Variants in RNLS observed in about 807,000 individuals in gnomAD.
RNLS encodes the protein renalase, FAD dependent amine oxidase.
In RNLS, 39 loss-of-function variants were observed where a neutral mutation model predicts 39.8. The observed-to-expected ratio is 0.98, with a 90% confidence interval of 0.76 to 1.28. RNLS has a LOEUF of 1.28. Ranked by LOEUF, RNLS falls within the 50% of genes most tolerant of loss-of-function variation. The pLI is 0.00. For synonymous variants in RNLS, 147 were observed against 150.7 expected (o/e 0.98, Z 0.18); for missense variants, 410 against 413.3 (o/e 0.99, Z 0.07).
At chr10:88,217,911 G>T in the RNLS span, among the ~76,000 whole-genome samples, 1 of 151,974 alleles carries the variant, frequency 6.6e-6, no homozygotes, top group Middle Eastern at 3.2e-3. Context: ...ATGGTGGCAG[G>T]CACCTGTAAT....
At chr10:88,338,072 C>T (rs187525145) in intron 5 of RNLS, among the ~76,000 whole-genome samples, 2 of 152,260 alleles carry the variant, frequency 1.3e-5, no homozygotes, top group East Asian at 3.9e-4. Flanking sequence ...TGCAGAAGTC[C>T]ATCTTATTCT....
At chr10:88,276,967 G>C (rs370341400) in intron 6 of RNLS, among the ~76,000 whole-genome samples, 1 of 152,082 alleles carries the variant, frequency 6.6e-6, no homozygotes, top group Non-Finnish European at 1.5e-5. Context: ...ATAAATTCTG[G>C]ATCCTAACGA....
At chr10:88,228,060 A>T in the RNLS span, among the ~76,000 whole-genome samples, 1 of 152,134 alleles carries the variant, frequency 6.6e-6, no homozygotes, top group Non-Finnish European at 1.5e-5. Flanking sequence ...GTGTTGCCAT[A>T]CTTTCTGATT....
chr10:88,368,092 T>C (rs1850264555), intron 4 of RNLS, among the ~76,000 whole-genome samples: 1 of 151,914 alleles, frequency 6.6e-6, no homozygotes, highest in South Asian at 2.1e-4. Flanking sequence ...CATAAAGATA[T>C]TTTCTTATGG....
In RNLS at chr10:88,459,183, G is replaced by GAGTGAATGTTTTCAAAAAGCTTTTGGT. The variant is rs372200050; in HGVS notation, c.527-96485_527-96459dup. On this transcript the variant is annotated intron_variant, in intron 4 of 6. Transcript: ENST00000331772. Reference sequence around the variant, plus strand: ...AGGTGGGTAGGACAAGAAGAAGTGGGAGTGAATGTTTTCAAAAAGCTTTTG... The same window carrying GAGTGAATGTTTTCAAAAAGCTTTTGGT: ...AGGTGGGTAGGACAAGAAGAAGTGGGAGTGAATGTTTTCAAAAAGCTTTTGGTAGTGAATGTTTTCAAAAAGCTTTTG... 3.0e-3 allele frequency among the ~76,000 whole-genome samples: 461 copies of GAGTGAATGTTTTCAAAAAGCTTTTGGT among 151,718 alleles called. 3 individuals are homozygous for GAGTGAATGTTTTCAAAAAGCTTTTGGT. Among genetic ancestry groups the GAGTGAATGTTTTCAAAAAGCTTTTGGT allele is most frequent in the African/African-American group, 0.011 (440 of 41,348 alleles).
At chr10:88,554,811 T>C (rs1195211673) in intron 4 of RNLS, among the ~76,000 whole-genome samples, 1 of 152,320 alleles carries the variant, frequency 6.6e-6, no homozygotes, top group South Asian at 2.1e-4. Context: ...TTCCCCTTTC[T>C]ACTAGATTGT....
At chr10:88,566,457 G>A (rs1456984735) in intron 4 of RNLS, among the ~76,000 whole-genome samples, 1 of 152,044 alleles carries the variant, frequency 6.6e-6, no homozygotes, top group Non-Finnish European at 1.5e-5. Context: ...GCAGAGAAAA[G>A]GAGAAAGACA....
At chr10:88,448,022 G>A (rs1842141533) in intron 4 of RNLS, among the ~76,000 whole-genome samples, 2 of 152,172 alleles carry the variant, frequency 1.3e-5, no homozygotes, top group African/African-American at 4.8e-5. Flanking sequence ...ATGGATTAAA[G>A]ACTTAAATGT....
chr10:88,447,412 G>A (rs1842100847), intron 4 of RNLS, among the ~76,000 whole-genome samples: 1 of 152,094 alleles, frequency 6.6e-6, no homozygotes, highest in Non-Finnish European at 1.5e-5. Context: ...ATTCACAATT[G>A]CTTCAAAGAG....
chr10:88,550,727 T>C (rs1445274020), intron 4 of RNLS, among the ~76,000 whole-genome samples: 1 of 152,242 alleles, frequency 6.6e-6, no homozygotes, highest in African/African-American at 2.4e-5. Flanking sequence ...CATTTTCTGA[T>C]ATCTACATCC....
At chr10:88,324,185 G>C (rs544239961) in intron 5 of RNLS, among the ~76,000 whole-genome samples, 1 of 151,970 alleles carries the variant, frequency 6.6e-6, no homozygotes, top group South Asian at 2.1e-4. Flanking sequence ...ATTTCACAAG[G>C]AACTAAAAAT....
intron 4 of RNLS, among the ~76,000 whole-genome samples, chr10:88,454,700 C>T (rs1395715588): frequency 2.6e-5 from 4 of 152,160 alleles, no homozygotes; most frequent in Non-Finnish European, 5.9e-5. Flanking sequence ...TCAATTACAA[C>T]TCAATCTGGG....
At chr10:88,397,899 GA>G (rs1364714814) in intron 4 of RNLS, among the ~76,000 whole-genome samples, 19 of 151,974 alleles carry the variant, frequency 1.3e-4, no homozygotes, top group Admixed American at 1.2e-3. Flanking sequence ...CTAGATCAAT[GA>G]AATAAAATTG....
rs940879961 is a variant in RNLS, at chr10:88,362,684, A to G, written c.568T>C (p.Tyr190His). ...AGGCCCAGAGCATATCGAGAGGAGT[A>G]GCTCACAGCCTCCAGTTGCTGCCTT... ...CQRQQLEAVS[Y>H]SSRYALGLFY... Residue 190 changes from tyrosine (Y) to histidine (H), a missense_variant, in exon 5 of 7, where the codon TAC becomes CAC. By Grantham distance (83) the Tyr-to-His change is moderately conservative (BLOSUM62 2). Transcript: ENST00000331772. The G allele has an allele frequency of 6.2e-7, 1 of 1,613,806 alleles. No homozygotes were observed. The highest frequency in any genetic ancestry group is 1.7e-5 in the Admixed American group (1 of 59,906).
chr10:88,302,018 A>T (rs1487248917), intron 6 of RNLS, among the ~76,000 whole-genome samples: 1 of 152,174 alleles, frequency 6.6e-6, no homozygotes, highest in East Asian at 1.9e-4. Context: ...ATATTAATTG[A>T]TAACTTGCTT....
chr10:88,499,036 T>C lies in RNLS; in HGVS notation c.526+73867A>G, dbSNP rs891215126. On this transcript the variant is annotated intron_variant, in intron 4 of 6. Coordinates refer to ENST00000331772, the MANE Select transcript of RNLS (RefSeq NM_001031709.3). ...ATAGATAAAATATGAGATGAAATTA[T>C]GGAATTATTATAATTTTTCTCAACT... Among the ~76,000 whole-genome samples, 6 of 152,148 alleles carry C rather than the reference T, an allele frequency of 3.9e-5. No homozygotes were observed. The South Asian group carries it at 1.2e-3, about 31-fold the overall frequency.
chr10:88,437,266 C>A (rs544949377), intron 4 of RNLS, among the ~76,000 whole-genome samples: 61 of 152,250 alleles, frequency 4.0e-4, no homozygotes, highest in African/African-American at 1.4e-3. Context: ...TGCCTGCCTG[C>A]CTCTCCAGTC....
chr10:88,439,689 A>T (rs1047912051), intron 4 of RNLS, among the ~76,000 whole-genome samples: 15 of 152,196 alleles, frequency 9.9e-5, no homozygotes, highest in Non-Finnish European at 4.4e-5. Flanking sequence ...ACAAATAAGG[A>T]AACCAAGGTG....
intron 4 of RNLS, among the ~76,000 whole-genome samples, chr10:88,567,791 A>G (rs74147231): frequency 0.013 from 2,005 of 152,338 alleles, 48 homozygotes; most frequent in African/African-American, 0.045. Flanking sequence ...ATTTAACAGC[A>G]GCTATACCCT....
Sources: gnomAD v4.1 joint callset for allele counts (sites outside exome capture counted in the v4.1 genomes callset) on GRCh38, gnomAD v4.1.1 for gene constraint, MANE v1.5 for transcripts, NCBI Gene and HGNC (gene_info 2026-07-23, HGNC 2026-07-21) for gene names.